Variants in ARNT2 observed in about 807,000 individuals in gnomAD.
The protein encoded by ARNT2 is ARNT protein 2.
A neutral mutation model predicts 91.7 loss-of-function variants in ARNT2; 36 were observed. That is an observed-to-expected ratio of 0.39 (90% CI 0.30 to 0.52). The LOEUF is 0.52. ARNT2 is among the 20% of genes least tolerant of loss of function. The pLI is 0.72. For synonymous variants in ARNT2, 365 were observed against 347.1 expected (o/e 1.05, Z -0.57); for missense variants, 775 against 939.3 (o/e 0.83, Z 2.29).
At chr15:80,570,176 A>C (rs1898560312) in intron 12 of ARNT2, among the ~76,000 whole-genome samples, 3 of 152,208 alleles carry the variant, frequency 2.0e-5, no homozygotes. Context: ...TATGTGTTCC[A>C]TATTCTTGCC....
chr15:80,449,182 A>G (rs1023440579), intron 1 of ARNT2, among the ~76,000 whole-genome samples: 3 of 152,220 alleles, frequency 2.0e-5, no homozygotes, highest in African/African-American at 4.8e-5. Context: ...GGAATCTCCA[A>G]GAAAGGGGGT....
chr15:80,554,363 C>T (rs961166998), intron 10 of ARNT2, among the ~76,000 whole-genome samples: 3 of 152,084 alleles, frequency 2.0e-5, no homozygotes, highest in Non-Finnish European at 4.4e-5. Context: ...GAGCTGAGAT[C>T]GCGCCATTGC....
intron 8 of ARNT2, among the ~76,000 whole-genome samples, chr15:80,537,496 C>T (rs1437943646): frequency 6.6e-6 from 1 of 152,096 alleles, no homozygotes; most frequent in Non-Finnish European, 1.5e-5. Flanking sequence ...TTTTTAATGA[C>T]AAGTAGGTTT....
At chr15:80,405,418 G>A (rs1332059032) in intron 1 of ARNT2, among the ~76,000 whole-genome samples, 5 of 152,146 alleles carry the variant, frequency 3.3e-5, no homozygotes, top group Non-Finnish European at 7.4e-5. Context: ...CCCTGTGGAA[G>A]ATGCAGGGAG....
chr15:80,448,609 G>A (rs961292839), intron 1 of ARNT2, among the ~76,000 whole-genome samples: 1 of 152,128 alleles, frequency 6.6e-6, no homozygotes, highest in Non-Finnish European at 1.5e-5. Context: ...AACATTTCTA[G>A]GATTACCAAC....
chr15:80,495,110 T>G (rs991394609), intron 5 of ARNT2, among the ~76,000 whole-genome samples: 6 of 152,212 alleles, frequency 3.9e-5, no homozygotes, highest in South Asian at 2.1e-4. Flanking sequence ...TTTTGTCTCC[T>G]TATTCCATGG....
intron 1 of ARNT2, chr15:80,436,227 G>A (rs999252607): frequency 1.3e-5 from 2 of 153,154 alleles, no homozygotes; most frequent in South Asian, 2.1e-4. Flanking sequence ...AAAGCAGCTG[G>A]GATCTGAGCA....
intron 3 of ARNT2, among the ~76,000 whole-genome samples, chr15:80,463,864 C>T (rs974832870): frequency 6.6e-6 from 1 of 152,136 alleles, no homozygotes; most frequent in Non-Finnish European, 1.5e-5. Context: ...GCCACTGTGC[C>T]CAGCCAGTGT....
At chr15:80,577,911 C>T (rs1441445526) in intron 15 of ARNT2, among the ~76,000 whole-genome samples, 1 of 152,210 alleles carries the variant, frequency 6.6e-6, no homozygotes, top group African/African-American at 2.4e-5. Context: ...TGGCTGCAGG[C>T]AGGGCCTCTG....
Position 80,475,147 on chromosome 15 carries a change from A to G in ARNT2, c.546A>G (p.Thr182=), listed in dbSNP as rs1896782502. Residue 182 remains threonine (T), a synonymous_variant, in exon 5 of 19, where the codon ACA becomes ACG. Transcript: ENST00000303329. The stretch of plus-strand genomic sequence containing the variant: ...CCCAGTCAGAGTGGTTTGGGAGCAC[A>G]CTGTATGAACAGGTGCATCCTGATG... ...NQPQSEWFGS[T]LYEQVHPDDV... The G allele has an allele frequency of 6.2e-7, 1 of 1,614,080 alleles. No homozygotes were observed. The highest frequency in any genetic ancestry group is 1.1e-5 in the South Asian group (1 of 91,086).
chr15:80,567,746 A>G (rs1167755455), intron 12 of ARNT2, among the ~76,000 whole-genome samples: 1 of 152,210 alleles, frequency 6.6e-6, no homozygotes, highest in African/African-American at 2.4e-5. Flanking sequence ...ACGGATCAGG[A>G]TGCCCCCTCA....
At chr15:80,489,079 G>GT (rs1268177866) in intron 5 of ARNT2, among the ~76,000 whole-genome samples, 4 of 152,166 alleles carry the variant, frequency 2.6e-5, no homozygotes, top group African/African-American at 9.7e-5. Flanking sequence ...CTTCTTGCTG[G>GT]TATGATTTAG....
At chr15:80,455,977 A>C (rs1307287096) in intron 2 of ARNT2, among the ~76,000 whole-genome samples, 3 of 152,186 alleles carry the variant, frequency 2.0e-5, no homozygotes, top group African/African-American at 7.2e-5. Context: ...GCTCTTCCCC[A>C]TGGTGAACAC....
At chr15:80,500,934 T>C (rs1344721780) in intron 5 of ARNT2, among the ~76,000 whole-genome samples, 1 of 152,256 alleles carries the variant, frequency 6.6e-6, no homozygotes, top group Non-Finnish European at 1.5e-5. Context: ...AAGCATGTTA[T>C]GCTTTTCAAC....
At chr15:80,586,845 A>G (rs930222969) in intron 17 of ARNT2, among the ~76,000 whole-genome samples, 3 of 151,920 alleles carry the variant, frequency 2.0e-5, no homozygotes, top group East Asian at 1.9e-4. Flanking sequence ...CATTTCAAAA[A>G]AAAAAAAAAA....
intron 17 of ARNT2, among the ~76,000 whole-genome samples, chr15:80,588,571 C>G (rs148814752): frequency 1.3e-5 from 2 of 152,284 alleles, no homozygotes; most frequent in African/African-American, 4.8e-5. Context: ...CCAGCCTTAT[C>G]TCTTATGACT....
chr15:80,439,920 C>T (rs1472899401), intron 1 of ARNT2, among the ~76,000 whole-genome samples: 1 of 152,202 alleles, frequency 6.6e-6, no homozygotes, highest in Non-Finnish European at 1.5e-5. Context: ...ATGGTTCTTT[C>T]TCGTATTTTT....
In ARNT2 at chr15:80,597,889, C is replaced by T. The variant is rs1235292010; in HGVS notation, c.*4191C>T. Reference sequence around the variant, plus strand: ...TGTATATGTGTAACTAATGTAACTGCCTTTTAAAATTTCATTACAATAAAA... The same window carrying T: ...TGTATATGTGTAACTAATGTAACTGTCTTTTAAAATTTCATTACAATAAAA... On this transcript the variant is annotated 3_prime_UTR_variant, in exon 19 of 19. Coordinates refer to ENST00000303329, the MANE Select transcript of ARNT2 (RefSeq NM_014862.4). The T allele has an allele frequency of 6.6e-6, 1 of 152,656 alleles. No homozygotes were observed. Among genetic ancestry groups the T allele is most frequent in the Admixed American group, 6.5e-5 (1 of 15,286 alleles). The allele number at this position is 152,656 out of a possible 1,614,324, so 9.5% of individuals were successfully genotyped here.
chr15:80,502,481 G>C (rs1897213837), intron 5 of ARNT2, among the ~76,000 whole-genome samples: 1 of 152,206 alleles, frequency 6.6e-6, no homozygotes, highest in African/African-American at 2.4e-5. Flanking sequence ...GAGACCCAGA[G>C]GTGGGAAGAC....
Sources: gnomAD v4.1 joint callset for allele counts (sites outside exome capture counted in the v4.1 genomes callset) on GRCh38, gnomAD v4.1.1 for gene constraint, MANE v1.5 for transcripts, NCBI Gene and HGNC (gene_info 2026-07-23, HGNC 2026-07-21) for gene names.